Variants in DCDC1 observed in about 807,000 individuals in gnomAD.
The protein encoded by DCDC1 is doublecortin domain containing 1.
A neutral mutation model predicts 178.3 loss-of-function variants in DCDC1; 200 were observed. The observed-to-expected ratio is 1.12, with a 90% CI of 1.00 to 1.26. The LOEUF is 1.26. Among genes scored for constraint, DCDC1 ranks in the 50% most tolerant of loss-of-function variants. The pLI is 0.00. For missense variants in DCDC1, 1,983 were observed against 1,749.2 expected (o/e 1.13, Z -2.38); for synonymous variants, 690 against 604.8 (o/e 1.14, Z -2.07).
intron 8 of DCDC1, among the ~76,000 whole-genome samples, chr11:31,245,139 A>T (rs1943456609): frequency 6.6e-6 from 1 of 151,474 alleles, no homozygotes; most frequent in Admixed American, 6.6e-5. Flanking sequence ...AAAATATCCT[A>T]AATGATTTAG....
intron 20 of DCDC1, among the ~76,000 whole-genome samples, chr11:30,961,462 GA>G (rs1487338477): frequency 6.6e-6 from 1 of 151,996 alleles, no homozygotes; most frequent in African/African-American, 2.4e-5. Flanking sequence ...TAACAAACAT[GA>G]GGGTTAAAAT....
chr11:31,322,948 A>G (rs1172403073), intron 3 of DCDC1, among the ~76,000 whole-genome samples: 1 of 152,206 alleles, frequency 6.6e-6, no homozygotes, highest in Non-Finnish European at 1.5e-5. Context: ...TGACAATCCG[A>G]ATTACTTTTG....
At chr11:31,064,388 C>A in intron 20 of DCDC1, 81 bp downstream of exon 20, 1 of 651,842 alleles carries the variant, frequency 1.5e-6, no homozygotes, top group Admixed American at 2.2e-5. Context: ...CAATTATCTT[C>A]AAGAAATCAA....
chr11:31,077,852 ATAAAGTCC>A lies in DCDC1; in HGVS notation c.2298+5_2298+12del, dbSNP rs1271908587. The A allele has an allele frequency of 2.6e-6, 2 of 765,758 alleles. No individual in the cohort carries two copies. The highest frequency in any genetic ancestry group is 3.4e-5 in the African/African-American group (2 of 59,148). 47.4% of individuals were successfully genotyped at this position (765,758 alleles called of 1,614,324 possible). ...AACTTAGGCATAAAAGCTGTGGATT[ATAAAGTCC>A]TTACCTTTGAATAAATGCAACCATC... On this transcript the variant is annotated splice_donor_5th_base_variant and intron_variant, in intron 18 of 38. Transcript: ENST00000684477.
chr11:31,343,689 T>G (rs1950667645), intron 1 of DCDC1, among the ~76,000 whole-genome samples: 1 of 152,110 alleles, frequency 6.6e-6, no homozygotes, highest in African/African-American at 2.4e-5. Context: ...GAGGCCGAGA[T>G]GGGTAGACCA....
intron 21 of DCDC1, chr11:30,944,315 C>T: frequency 2.2e-6 from 1 of 456,698 alleles, no homozygotes; most frequent in Non-Finnish European, 4.4e-6. Flanking sequence ...CCAAGTCTAT[C>T]TCCTTCCTTG....
chr11:31,103,588 T>G, intron 14 of DCDC1, 56 bp downstream of exon 14: 1 of 682,370 alleles, frequency 1.5e-6, no homozygotes. Flanking sequence ...AAATCCTGAA[T>G]TAAGTGATTT....
At chr11:30,940,106 C>A (rs1947535572) in intron 21 of DCDC1, among the ~76,000 whole-genome samples, 1 of 152,126 alleles carries the variant, frequency 6.6e-6, no homozygotes, top group Admixed American at 6.6e-5. Flanking sequence ...ATATTCATAT[C>A]TTTTATTCTT....
rs753194334 is a variant in DCDC1, at chr11:30,922,498, C to T, written c.3133+5G>A. 3.9e-6 allele frequency: 6 copies of T among 1,519,076 alleles called. No individual in the cohort carries two copies. In the South Asian group the frequency reaches 6.6e-5, roughly 17 times the overall value. The allele number at this position is 1,519,076 out of a possible 1,614,324, so 94.1% of individuals were successfully genotyped here. A position where few individuals can be genotyped will look rare whatever the true frequency, so the allele number is the denominator to read the frequency against. ...TATATTAAGGTAAATAATTCCAATG[C>T]TTACCTTCTATTTTATGTGTGCTGC... On this transcript the variant is annotated splice_donor_5th_base_variant and intron_variant, in intron 24 of 38. Coordinates refer to ENST00000684477, the MANE Select transcript of DCDC1 (RefSeq NM_001387274.1).
chr11:31,157,372 A>AATATATATATAT (rs1555090401), intron 9 of DCDC1, among the ~76,000 whole-genome samples: 2 of 96,878 alleles, frequency 2.1e-5, no homozygotes, highest in African/African-American at 3.4e-5. Flanking sequence ...AAAAAAAAAA[A>AATATATATATAT]ATATATATAT....
intron 30 of DCDC1, 71 bp from the exon 31 acceptor site, chr11:30,905,235 TTAA>T: frequency 6.9e-7 from 1 of 1,459,388 alleles, no homozygotes; most frequent in South Asian, 1.3e-5. Flanking sequence ...CTTTAGTCTC[TTAA>T]TAAATGTGTG....
At chr11:31,162,511 T>C (rs1165485864) in intron 9 of DCDC1, among the ~76,000 whole-genome samples, 1 of 152,194 alleles carries the variant, frequency 6.6e-6, no homozygotes, top group Non-Finnish European at 1.5e-5. Context: ...TTATTTTATT[T>C]GTTATTCAAA....
At chr11:31,350,635 C>A (rs1951023143) in intron 1 of DCDC1, among the ~76,000 whole-genome samples, 1 of 152,134 alleles carries the variant, frequency 6.6e-6, no homozygotes, top group African/African-American at 2.4e-5. Flanking sequence ...AACTGTAGAT[C>A]CATCCTGTTT....
chr11:31,123,897 TAATTAA>T (rs1961179243), intron 11 of DCDC1, among the ~76,000 whole-genome samples: 1 of 152,060 alleles, frequency 6.6e-6, no homozygotes. Flanking sequence ...TTATTTTAAT[TAATTAA>T]AATTAAAATT....
intron 9 of DCDC1, among the ~76,000 whole-genome samples, chr11:31,224,691 G>A (rs1294930492): frequency 6.6e-6 from 1 of 151,878 alleles, no homozygotes; most frequent in African/African-American, 2.4e-5. Context: ...TCAAAGGGTG[G>A]GAAAAGGACA....
chr11:30,947,192 A>G (rs945375425), intron 21 of DCDC1, among the ~76,000 whole-genome samples: 1 of 152,204 alleles, frequency 6.6e-6, no homozygotes, highest in African/African-American at 2.4e-5. Context: ...TGCATCATAA[A>G]GATACAAAGA....
At chr11:31,091,943 C>T (rs1215223210) in intron 16 of DCDC1, among the ~76,000 whole-genome samples, 1 of 152,052 alleles carries the variant, frequency 6.6e-6, no homozygotes, top group African/African-American at 2.4e-5. Context: ...TACTCTGGGT[C>T]TAAATATCAT....
chr11:31,073,124 A>G (rs1956667527), intron 18 of DCDC1, among the ~76,000 whole-genome samples: 1 of 152,184 alleles, frequency 6.6e-6, no homozygotes, highest in African/African-American at 2.4e-5. Context: ...TAAACCTCTA[A>G]AAGAATGAAA....
chr11:31,069,297 T>C (rs1374443141), intron 18 of DCDC1, among the ~76,000 whole-genome samples: 7 of 152,192 alleles, frequency 4.6e-5, no homozygotes, highest in Admixed American at 4.6e-4. Flanking sequence ...ATCCAAAACA[T>C]TAGCAAAAAG....
Sources: allele counts gnomAD v4.1 joint callset (sites outside exome capture counted in the v4.1 genomes callset), GRCh38; gene constraint gnomAD v4.1.1; transcripts MANE v1.5; gene names NCBI Gene and HGNC (gene_info 2026-07-23, HGNC 2026-07-21).